The following TMEM132C variants were observed in gnomAD, a reference collection of about 807,000 sequenced individuals.
TMEM132C encodes transmembrane protein 132C, also known as protein phosphatase 1, regulatory subunit 152.
TMEM132C carries 29 observed loss-of-function variants against 61.4 expected under a neutral mutation model. The ratio of observed to expected loss-of-function variants is 0.47; its 90% CI spans 0.35 to 0.64. The LOEUF (loss-of-function observed/expected upper bound fraction) is 0.64, where lower values mean the gene tolerates loss of function less well. TMEM132C is among the 30% of genes least tolerant of loss of function. TMEM132C has a pLI of 0.00. For missense variants in TMEM132C, 1,408 were observed against 1,476.9 expected (o/e 0.95, Z 0.76); for synonymous variants, 656 against 633.1 (o/e 1.04, Z -0.54).
intron 4 of TMEM132C, among the ~76,000 whole-genome samples, chr12:128,641,181 G>A (rs994450430): frequency 1.3e-5 from 2 of 152,054 alleles, no homozygotes; most frequent in Non-Finnish European, 2.9e-5. Flanking sequence ...CAGCCTTCAG[G>A]CCTCATTTGT....
chr12:128,686,058 T>TGTGTGTGTGCATGC (rs1555243284), intron 5 of TMEM132C, among the ~76,000 whole-genome samples: 13 of 127,276 alleles, frequency 1.0e-4, no homozygotes, highest in South Asian at 8.1e-4. Context: ...TGTGCATGTG[T>TGTGTGTGTGCATGC]GTGTGTGCAT....
chr12:128,473,494 A>T (rs111928996), intron 2 of TMEM132C, among the ~76,000 whole-genome samples: 4,150 of 146,826 alleles, frequency 0.028, 207 homozygotes, highest in African/African-American at 0.097. Context: ...TTCTATCTTC[A>T]TCCTTACTCC....
At chr12:128,360,328 G>T (rs1336907753) in intron 1 of TMEM132C, among the ~76,000 whole-genome samples, 2 of 151,838 alleles carry the variant, frequency 1.3e-5, no homozygotes, top group African/African-American at 4.8e-5. Context: ...AGATTTGATT[G>T]GAGCGATTCT....
At chr12:128,448,826 G>A (rs1052361776) in intron 2 of TMEM132C, among the ~76,000 whole-genome samples, 1 of 152,084 alleles carries the variant, frequency 6.6e-6, no homozygotes, top group African/African-American at 2.4e-5. Context: ...CTTAGCACAT[G>A]GGTTAGAGTC....
chr12:128,518,754 GTGGTGT>G (rs1363281925), intron 2 of TMEM132C, among the ~76,000 whole-genome samples: 4 of 151,824 alleles, frequency 2.6e-5, no homozygotes, highest in African/African-American at 9.7e-5. Flanking sequence ...GTGTGTGTGT[GTGGTGT>G]GTGTGTGTGT....
chr12:128,501,567 T>A (rs1180965171), intron 2 of TMEM132C, among the ~76,000 whole-genome samples: 1 of 152,186 alleles, frequency 6.6e-6, no homozygotes, highest in Non-Finnish European at 1.5e-5. Context: ...CCAATAGGAA[T>A]GTGTGAACAT....
intron 2 of TMEM132C, among the ~76,000 whole-genome samples, chr12:128,533,431 C>CTG (rs1368369082): frequency 6.6e-6 from 1 of 152,172 alleles, no homozygotes; most frequent in Non-Finnish European, 1.5e-5. Flanking sequence ...GTACCACAGA[C>CTG]TGAGGGGCTT....
chr12:128,587,985 T>A (rs1223657155), intron 3 of TMEM132C, among the ~76,000 whole-genome samples: 1 of 152,194 alleles, frequency 6.6e-6, no homozygotes, highest in African/African-American at 2.4e-5. Context: ...CATCCAACTC[T>A]TAAATAGCAC....
chr12:128,702,208 C>T (rs1954809104), intron 8 of TMEM132C, among the ~76,000 whole-genome samples: 1 of 152,074 alleles, frequency 6.6e-6, no homozygotes, highest in Non-Finnish European at 1.5e-5. Flanking sequence ...CCCCCATTTG[C>T]TGTTATTGAG....
rs1324726287 is a variant in TMEM132C, at chr12:128,707,333, C to T, written c.*1038C>T. The T allele has an allele frequency of 6.6e-6, 1 of 152,210 alleles. No individual in the cohort carries two copies. The highest frequency in any genetic ancestry group is 1.5e-5 in the Non-Finnish European group (1 of 68,042). 9.4% of individuals were successfully genotyped at this position (152,210 alleles called of 1,614,324 possible). A position where few individuals can be genotyped will look rare whatever the true frequency, so the allele number is the denominator to read the frequency against. On this transcript the variant is annotated 3_prime_UTR_variant, in exon 9 of 9. Transcript: ENST00000435159. ...GTTAAATCAAAAAAGAGGCCACGCC[C>T]AGGTGTAATCAGAGCCAACCTGGTG...
chr12:128,576,976 G>GT (rs1276674733), intron 3 of TMEM132C, among the ~76,000 whole-genome samples: 6 of 152,078 alleles, frequency 3.9e-5, no homozygotes, highest in African/African-American at 1.4e-4. Flanking sequence ...CCATCCAATG[G>GT]TTTTTAGTGT....
chr12:128,544,058 C>G lies in TMEM132C; in HGVS notation c.1076C>G (p.Thr359Arg), dbSNP rs780140810. The G allele has an allele frequency of 6.5e-7, 1 of 1,545,864 alleles. No homozygotes were observed. The highest frequency in any genetic ancestry group is 1.2e-5 in the South Asian group (1 of 82,928). Residue 359 changes from threonine to arginine, a missense_variant, in exon 3 of 9, where the codon ACG (threonine) becomes AGG (arginine). Transcript: ENST00000435159. Reference sequence around the variant, plus strand: ...GTGGGCAGCGGCGGAAAGCACGTGACGGCCACCGTGGCCTGCCAGCGCCTG... The same window carrying G: ...GTGGGCAGCGGCGGAAAGCACGTGAGGGCCACCGTGGCCTGCCAGCGCCTG... ...QEVGSGGKHV[T>R]ATVACQRLGP...
At chr12:128,685,381 C>T (rs183029487) in intron 5 of TMEM132C, among the ~76,000 whole-genome samples, 4 of 152,294 alleles carry the variant, frequency 2.6e-5, no homozygotes, top group East Asian at 3.9e-4. Flanking sequence ...AAGCGGGGCT[C>T]GGCCGGACAG....
intron 2 of TMEM132C, among the ~76,000 whole-genome samples, chr12:128,500,207 G>A (rs1872113898): frequency 6.6e-6 from 1 of 152,150 alleles, no homozygotes. Context: ...AAAAATTAAT[G>A]CAAAATCTAC....
At chr12:128,687,172 A>C (rs1954683585) in intron 5 of TMEM132C, among the ~76,000 whole-genome samples, 1 of 137,834 alleles carries the variant, frequency 7.3e-6, no homozygotes, top group Admixed American at 7.9e-5. Flanking sequence ...ATTGCACTCC[A>C]GCCTGGGTGA....
At chr12:128,506,816 C>T (rs1872379477) in intron 2 of TMEM132C, among the ~76,000 whole-genome samples, 1 of 152,308 alleles carries the variant, frequency 6.6e-6, no homozygotes, top group East Asian at 1.9e-4. Flanking sequence ...CAGTGTTTGC[C>T]TCCAGAATGG....
intron 3 of TMEM132C, among the ~76,000 whole-genome samples, chr12:128,576,071 A>G (rs1478831154): frequency 6.6e-6 from 1 of 152,168 alleles, no homozygotes; most frequent in Non-Finnish European, 1.5e-5. Flanking sequence ...CCTGGCCAAC[A>G]TGGTGAACCC....
At chr12:128,481,760 A>T (rs2136091622) in intron 2 of TMEM132C, among the ~76,000 whole-genome samples, 1 of 152,226 alleles carries the variant, frequency 6.6e-6, no homozygotes, top group South Asian at 2.1e-4. Context: ...GGCCTCCTTC[A>T]GAGGAAGGGG....
intron 3 of TMEM132C, among the ~76,000 whole-genome samples, chr12:128,613,236 AC>A (rs1282114171): frequency 1.3e-5 from 2 of 152,346 alleles, no homozygotes; most frequent in Middle Eastern, 3.4e-3. Flanking sequence ...CAGTACTGGT[AC>A]CCAGTGGCAG....
Sources: gnomAD v4.1 joint callset for allele counts (sites outside exome capture counted in the v4.1 genomes callset) on GRCh38, gnomAD v4.1.1 for gene constraint, MANE v1.5 for transcripts, NCBI Gene and HGNC (gene_info 2026-07-23, HGNC 2026-07-21) for gene names.